LDB3: variants seen among roughly 807,000 people sequenced by gnomAD.
LDB3 encodes the protein LIM domain-binding protein 3.
In LDB3, 49 loss-of-function variants were observed where a neutral mutation model predicts 69.0. That is an observed-to-expected ratio of 0.71 (90% CI 0.56 to 0.90). The LOEUF is 0.90. LDB3 is among the 40% of genes least tolerant of loss of function. LDB3 has a pLI of 0.00. For synonymous variants in LDB3, 387 were observed against 396.2 expected, an observed-to-expected ratio of 0.98 and a Z score of 0.28; for missense variants, 928 against 974.1, an observed-to-expected ratio of 0.95 and a Z score of 0.63.
rs201648488 is a variant in LDB3 at position 86,735,254 on chromosome 10, A to AC, written c.*2278_*2279insC. ...TTGCCAAAAAGACAAAACTAGCAAA[A>AC]AAAAAACAAAAAAACAAAAAAAAAA... On this transcript the variant is annotated 3_prime_UTR_variant, in exon 14 of 14. Transcript: ENST00000361373. 2.4e-4 allele frequency: 36 copies of AC among 151,442 alleles called. No homozygotes were observed. The highest frequency in any genetic ancestry group is 3.9e-4 in the Admixed American group (6 of 15,222). The allele number at this position is 151,442 out of a possible 1,614,324, so 9.4% of individuals were successfully genotyped here.
Position 86,699,731 on chromosome 10 carries a change from C to T in LDB3, c.897-6800C>T, listed in dbSNP as rs1485547306. ...ACCAAGGGAAATGGATGGGCCGCTG[C>T]TCAGTTTCCCACCATCCTCAGCTCC... On this transcript the variant is annotated intron_variant, in intron 7 of 13. Coordinates refer to ENST00000361373, the MANE Select transcript of LDB3 (RefSeq NM_007078.3). The surrounding 1 kb of genome is among the most constrained non-coding windows in gnomAD (Gnocchi z 4.9). 2 of 1,139,002 alleles carry T rather than the reference C, an allele frequency of 1.8e-6. No homozygotes were observed. The highest frequency in any genetic ancestry group is 1.1e-6 in the Non-Finnish European group (1 of 918,932). The allele number at this position is 1,139,002 out of a possible 1,614,324, so 70.6% of individuals were successfully genotyped here. A position where few individuals can be genotyped will look rare whatever the true frequency, so the allele number is the denominator to read the frequency against.
intron 9 of LDB3, among the ~76,000 whole-genome samples, chr10:86,711,738 C>T (rs1846675957): frequency 1.3e-5 from 2 of 150,512 alleles, no homozygotes; most frequent in African/African-American, 2.4e-5. Context: ...CGGCCGCTCC[C>T]CGGAACACCT....
intron 5 of LDB3, among the ~76,000 whole-genome samples, chr10:86,682,349 C>T (rs533728687): frequency 3.9e-5 from 6 of 152,162 alleles, no homozygotes; most frequent in Admixed American, 6.5e-5. Context: ...GTGCAGGGAG[C>T]GGGTTTGCAG....
rs1195222966 is a variant in LDB3, at chr10:86,735,073, ACACACACACACACACAC to A, written c.*2098_*2114del. 2.0e-5 allele frequency: 3 copies of A among 150,698 alleles called. No homozygotes were observed. Among genetic ancestry groups the A allele is most frequent in the African/African-American group, 7.3e-5 (3 of 40,868 alleles). The allele number at this position is 150,698 out of a possible 1,614,324, so 9.3% of individuals were successfully genotyped here. A position where few individuals can be genotyped will look rare whatever the true frequency, so the allele number is the denominator to read the frequency against. ...GGTTTACACACACACACACACACAC[ACACACACACACACACAC>A]ACACACACACGATCATTAAAAAGTG... On this transcript the variant is annotated 3_prime_UTR_variant, in exon 14 of 14. Coordinates refer to ENST00000361373, the MANE Select transcript of LDB3 (RefSeq NM_007078.3).
At chr10:86,722,767 C>T (rs12771609) in intron 12 of LDB3, among the ~76,000 whole-genome samples, 32,661 of 150,308 alleles carry the variant, frequency 0.22, 4,516 homozygotes, top group East Asian at 0.57. Flanking sequence ...GGGGATTTCA[C>T]CATCTTGGCC....
At chr10:86,725,723 A>G (rs959277759) in intron 12 of LDB3, among the ~76,000 whole-genome samples, 12 of 152,238 alleles carry the variant, frequency 7.9e-5, no homozygotes, top group African/African-American at 2.9e-4. Context: ...AGAATGGCCA[A>G]GCAAAGAAAA....
At chr10:86,684,710 G>A (rs994558137) in intron 5 of LDB3, among the ~76,000 whole-genome samples, 9 of 152,194 alleles carry the variant, frequency 5.9e-5, no homozygotes, top group African/African-American at 1.9e-4. Context: ...CAGGCTGGCC[G>A]GGGCCCAAGC....
chr10:86,673,777 C>G (rs56204043), intron 2 of LDB3, among the ~76,000 whole-genome samples: 1 of 151,984 alleles, frequency 6.6e-6, no homozygotes, highest in Admixed American at 6.6e-5. Flanking sequence ...CCTGCCCCAG[C>G]CTCCACCCAC....
intron 5 of LDB3, among the ~76,000 whole-genome samples, chr10:86,683,679 G>C (rs948820303): frequency 6.6e-6 from 1 of 152,232 alleles, no homozygotes; most frequent in Non-Finnish European, 1.5e-5. Flanking sequence ...CAAAGTAAAA[G>C]CTGATGCTGC....
intron 7 of LDB3, among the ~76,000 whole-genome samples, chr10:86,695,558 G>A (rs1227733675): frequency 6.6e-6 from 1 of 152,228 alleles, no homozygotes; most frequent in Admixed American, 6.5e-5. Flanking sequence ...TTAGGAAACT[G>A]TCCAGGTTGC....
upstream of LDB3, among the ~76,000 whole-genome samples, chr10:86,668,181 G>A (rs4256897): frequency 0.25 from 37,525 of 152,090 alleles, 5,523 homozygotes; most frequent in South Asian, 0.42. Flanking sequence ...GGGACCACAC[G>A]GCAGCAAAGC....
At chr10:86,696,404 G>T (rs1311825663) in intron 7 of LDB3, among the ~76,000 whole-genome samples, 1 of 152,254 alleles carries the variant, frequency 6.6e-6, no homozygotes, top group Non-Finnish European at 1.5e-5. Flanking sequence ...TGTTGCCCCA[G>T]GTGCCGCTGC....
intron 5 of LDB3, chr10:86,687,141 G>T: frequency 6.2e-7 from 1 of 1,614,230 alleles, no homozygotes; most frequent in Non-Finnish European, 8.5e-7. Flanking sequence ...AGCCCATCGA[G>T]GTGAAGGGGC....
chr10:86,710,990 G>A (rs7907134), intron 9 of LDB3, among the ~76,000 whole-genome samples: 16,601 of 152,270 alleles, frequency 0.11, 1,929 homozygotes, highest in African/African-American at 0.29. Flanking sequence ...TGTCCCTACA[G>A]AGAAGGGGCA....
intron 5 of LDB3, among the ~76,000 whole-genome samples, chr10:86,682,941 A>C (rs909766915): frequency 2.3e-3 from 337 of 149,616 alleles, no homozygotes; most frequent in African/African-American, 7.6e-3. Flanking sequence ...CAGCTTCCCC[A>C]CCCCCCCAGC....
In LDB3 at chr10:86,706,625, G is replaced by A. The variant is rs749520121; in HGVS notation, c.991G>A (p.Ala331Thr). ...GCCACCTGCTGCTGCCTCTCCCAGT[G>A]CGGCTTCGCCACCCCTGGCCACAGC... ...AQPPAAASPS[A>T]ASPPLATAAA... The change falls in exon 8 of 14, where the codon GCG becomes ACG. Residue 331 changes from alanine (A) to threonine (T), a missense_variant. Physicochemically the swap from Ala to Thr is moderately conservative, Grantham distance 58. Transcript: ENST00000361373. 69 of 1,613,072 alleles carry A rather than the reference G, an allele frequency of 4.3e-5. No homozygotes were observed. Among genetic ancestry groups the A allele is most frequent in the Non-Finnish European group, 4.6e-5 (54 of 1,179,964 alleles).
chr10:86,733,308 A>C lies in LDB3; in HGVS notation c.*332A>C. The C allele has an allele frequency of 2.8e-6, 1 of 355,436 alleles. No individual in the cohort carries two copies. The highest frequency in any genetic ancestry group is 2.3e-5 in the South Asian group (1 of 44,138). The allele number at this position is 355,436 out of a possible 1,614,324, so 22.0% of individuals were successfully genotyped here. On this transcript the variant is annotated 3_prime_UTR_variant, in exon 14 of 14. Coordinates refer to ENST00000361373, the MANE Select transcript of LDB3 (RefSeq NM_007078.3). ...GCGATACACTTGCTTTGGTCACCAG[A>C]GGAGGACAGAGCTTAGAGCAGCTGT...
chr10:86,706,915 C>T (rs1414422807), intron 8 of LDB3, among the ~76,000 whole-genome samples, 196 bp downstream of exon 8: 3 of 152,096 alleles, frequency 2.0e-5, no homozygotes, highest in South Asian at 2.1e-4. Flanking sequence ...ACCACTGTGG[C>T]GGGGACTGTC....
chr10:86,730,391 C>A (rs1010161851), intron 13 of LDB3, among the ~76,000 whole-genome samples: 7 of 151,860 alleles, frequency 4.6e-5, no homozygotes, highest in Non-Finnish European at 1.0e-4. Context: ...GGGACCCATG[C>A]CAGCCAATGT....
Sources: allele counts gnomAD v4.1 joint callset (sites outside exome capture counted in the v4.1 genomes callset), GRCh38; gene constraint gnomAD v4.1.1; non-coding constraint Gnocchi (gnomAD v3.1); transcripts MANE v1.5; gene names NCBI Gene and HGNC (gene_info 2026-07-23, HGNC 2026-07-21).